Variants in LMO2 observed in about 807,000 individuals in gnomAD.
The protein encoded by LMO2 is LIM domain only 2.
LMO2 carries 20 observed loss-of-function variants against 23.2 expected under a neutral mutation model. That is an observed-to-expected ratio of 0.86 (90% CI 0.61 to 1.25). The LOEUF is 1.25. Among genes scored for constraint, LMO2 ranks in the 50% most tolerant of loss-of-function variants. The pLI, the probability that LMO2 is intolerant of heterozygous loss-of-function variation, is 0.00. For missense variants in LMO2, 270 were observed against 315.3 expected (o/e 0.86, Z 1.09); for synonymous variants, 123 against 130.2 (o/e 0.94, Z 0.38).
Position 33,870,642 on chromosome 11 carries a change from C to G in LMO2, c.-271-655G>C, listed in dbSNP as rs576611040. On this transcript the variant is annotated intron_variant, in intron 2 of 5. Coordinates refer to ENST00000257818, the MANE Select transcript of LMO2 (RefSeq NM_005574.4). ...GGGACCACGCGGGGCCGGGGCTCCT[C>G]TCAGTCGGCTGGTGGCGGAATCCCC... The G allele has an allele frequency of 7.7e-6, 7 of 908,440 alleles. No homozygotes were observed. In the African/African-American group the frequency reaches 1.3e-4, roughly 16 times the overall value. 56.3% of individuals were successfully genotyped at this position (908,440 alleles called of 1,614,324 possible).
At chr11:33,862,576 T>C (rs963219401) in intron 5 of LMO2, among the ~76,000 whole-genome samples, 19 of 146,552 alleles carry the variant, frequency 1.3e-4, no homozygotes, top group African/African-American at 4.6e-4. Flanking sequence ...AACTCAGCCA[T>C]TGGAAATCCT....
At chr11:33,867,370 CTGAGA>C (rs1856826420) in intron 4 of LMO2, among the ~76,000 whole-genome samples, 1 of 151,980 alleles carries the variant, frequency 6.6e-6, no homozygotes, top group Admixed American at 6.6e-5. Context: ...CGGTGATGGC[CTGAGA>C]TGAGATGGAG....
Position 33,881,042 on chromosome 11 carries a change from A to G in LMO2, c.-272+782T>C, listed in dbSNP as rs76775065. ...TAAGGAGCTCAATATTCTTCTAGAT[A>G]TCTGCCCTCCTGTCTGAGAATCCCA... On this transcript the variant is annotated intron_variant, in intron 2 of 5. Transcript: ENST00000257818. 2.7e-3 allele frequency: 997 copies of G among 376,146 alleles called. 4 individuals are homozygous for G. Among genetic ancestry groups the G allele is most frequent in the African/African-American group, 0.019 (904 of 47,220 alleles). 23.3% of individuals were successfully genotyped at this position (376,146 alleles called of 1,614,324 possible).
chr11:33,873,045 G>A (rs1857062807), intron 2 of LMO2, among the ~76,000 whole-genome samples: 1 of 152,112 alleles, frequency 6.6e-6, no homozygotes, highest in Non-Finnish European at 1.5e-5. Context: ...TTGCAGGCAT[G>A]AGCCACCGCG....
chr11:33,863,891 T>C (rs1410587781), intron 5 of LMO2, among the ~76,000 whole-genome samples: 2 of 152,228 alleles, frequency 1.3e-5, no homozygotes, highest in Non-Finnish European at 2.9e-5. Flanking sequence ...CCAAGTAGTT[T>C]ATCTGCATTA....
chr11:33,882,652 C>T (rs1464422752), intron 1 of LMO2, among the ~76,000 whole-genome samples: 1 of 152,174 alleles, frequency 6.6e-6, no homozygotes, highest in African/African-American at 2.4e-5. Flanking sequence ...ATAGATAGAC[C>T]TAATTGTGGC....
intron 5 of LMO2, among the ~76,000 whole-genome samples, chr11:33,861,425 A>G (rs946350119): frequency 6.6e-6 from 1 of 152,184 alleles, no homozygotes; most frequent in Non-Finnish European, 1.5e-5. Flanking sequence ...GTGAGTGGAG[A>G]GCTCATTGTT....
Position 33,869,472 on chromosome 11 carries a change from G to A in LMO2, c.122C>T (p.Pro41Leu), listed in dbSNP as rs1856923950. Residue 41 changes from proline to leucine, a missense_variant, in exon 4 of 6, where the codon CCC becomes CTC. Around this residue, in one of 2 missense-constraint regions of LMO2, gnomAD observed 170 missense variants for 162.0 expected, o/e 1.05. Transcript: ENST00000257818. The part of the protein sequence containing the change: ...DGGGGGGARA[P>L]EGVRAPAAGQ... ...GGCTGCCGGGGCTCGGACCCCCTCG[G>A]GTGCTCGGGCGCCGCCGCCGCCGCC... 1 of 1,210,838 alleles carries A rather than the reference G, an allele frequency of 8.3e-7. No homozygotes were observed. The highest frequency in any genetic ancestry group is 1.6e-5 in the African/African-American group (1 of 62,024). 75.0% of individuals were successfully genotyped at this position (1,210,838 alleles called of 1,614,324 possible).
chr11:33,868,711 T>C (rs1400923472), intron 4 of LMO2, among the ~76,000 whole-genome samples: 1 of 152,130 alleles, frequency 6.6e-6, no homozygotes, highest in Non-Finnish European at 1.5e-5. Flanking sequence ...ACTTTCGAGG[T>C]TCACATGTCC....
Position 33,859,286 on chromosome 11 carries a change from T to C in LMO2, c.*70A>G. On this transcript the variant is annotated 3_prime_UTR_variant, in exon 6 of 6. Transcript: ENST00000257818. ...CTCAAACCCCCAAAGTGCCTAAGAG[T>C]GAAGACGAAGATGCCATGGAGACGG... The C allele has an allele frequency of 8.5e-7, 1 of 1,181,356 alleles. No individual in the cohort carries two copies. The highest frequency in any genetic ancestry group is 2.4e-5 in the East Asian group (1 of 42,090). The allele number at this position is 1,181,356 out of a possible 1,614,324, so 73.2% of individuals were successfully genotyped here. A position where few individuals can be genotyped will look rare whatever the true frequency, so the allele number is the denominator to read the frequency against.
At chr11:33,882,038 C>CA (rs1487718052) in intron 1 of LMO2, among the ~76,000 whole-genome samples, 151 bp from the exon 2 acceptor site, 1 of 152,184 alleles carries the variant, frequency 6.6e-6, no homozygotes, top group African/African-American at 2.4e-5. Context: ...TTTCTGATAG[C>CA]AGGCGGGTGT....
rs2273797 is a variant in LMO2 at position 33,864,534 on chromosome 11, C to T, written c.464+68G>A. 0.19 allele frequency: 250,294 copies of T among 1,329,298 alleles called. 24,799 individuals carry two copies. Among genetic ancestry groups the T allele is most frequent in the Middle Eastern group, 0.28 (1,089 of 3,850 alleles). The allele number at this position is 1,329,298 out of a possible 1,614,324, so 82.3% of individuals were successfully genotyped here. On this transcript the variant is annotated intron_variant, in intron 5 of 5. Coordinates refer to ENST00000257818, the MANE Select transcript of LMO2 (RefSeq NM_005574.4). This position sits in a 1 kb window ranked among gnomAD's most constrained non-coding sequence, Gnocchi z 4.8. ...GAGCAGGGTAAGGGGCAACACACAC[C>T]GACTGCAGATGTCCATGGACCACCC...
At chr11:33,874,046 A>C (rs901212476) in intron 2 of LMO2, among the ~76,000 whole-genome samples, 4 of 152,222 alleles carry the variant, frequency 2.6e-5, no homozygotes, top group Admixed American at 1.3e-4. Flanking sequence ...ATATACAAAA[A>C]TATGACATTT....
At chr11:33,870,434 A>C (rs1389695831) in intron 2 of LMO2, 1 of 985,824 alleles carries the variant, frequency 1.0e-6, no homozygotes, top group African/African-American at 1.8e-5. Context: ...TGCCCCGGAC[A>C]GCGCGGCTCT....
At chr11:33,860,385 A>G (rs1348873899) in intron 5 of LMO2, among the ~76,000 whole-genome samples, 3 of 152,310 alleles carry the variant, frequency 2.0e-5, no homozygotes, top group Non-Finnish European at 2.9e-5. Flanking sequence ...TGGGAGACAG[A>G]ACATGGCAGG....
chr11:33,878,245 C>A (rs944648687), intron 2 of LMO2, among the ~76,000 whole-genome samples: 2 of 152,168 alleles, frequency 1.3e-5, no homozygotes, highest in East Asian at 1.9e-4. Context: ...TGAACCTTCC[C>A]ATCCAGCCTG....
At chr11:33,863,154 GC>G (rs1267497997) in intron 5 of LMO2, among the ~76,000 whole-genome samples, 1 of 152,076 alleles carries the variant, frequency 6.6e-6, no homozygotes, top group African/African-American at 2.4e-5. Flanking sequence ...TTACCCGTCT[GC>G]CCTCTCACTG....
chr11:33,880,184 TATATATCATATATACACATG>T lies in LMO2; in HGVS notation c.-272+1620_-272+1639del, dbSNP rs1857234048. 1.3e-5 allele frequency among the ~76,000 whole-genome samples: 2 copies of T among 149,052 alleles called. No individual in the cohort carries two copies. Among genetic ancestry groups the T allele is most frequent in the African/African-American group, 4.9e-5 (2 of 40,818 alleles). ...ATACATATGATATATACACATGATA[TATATATCATATATACACATG>T]ATATATATATCATATATACACATGA... On this transcript the variant is annotated intron_variant, in intron 2 of 5. Coordinates refer to ENST00000257818, the MANE Select transcript of LMO2 (RefSeq NM_005574.4). The surrounding 1 kb of genome is among the most constrained non-coding windows in gnomAD (Gnocchi z 4.3).
At chr11:33,870,928 G>T in intron 2 of LMO2, 1 of 384,778 alleles carries the variant, frequency 2.6e-6, no homozygotes, top group South Asian at 1.1e-4. Context: ...CTTCCGTGGA[G>T]AAAAACTTAG....
Sources: allele counts gnomAD v4.1 joint callset (sites outside exome capture counted in the v4.1 genomes callset), GRCh38; gene constraint gnomAD v4.1.1; regional missense constraint gnomAD v4.1.1; non-coding constraint Gnocchi (gnomAD v3.1); transcripts MANE v1.5; gene names NCBI Gene and HGNC (gene_info 2026-07-23, HGNC 2026-07-21).